The following KCNB2 variants were observed in gnomAD, a reference collection of about 807,000 sequenced individuals.
KCNB2 encodes the protein delayed rectifier potassium channel protein.
A neutral mutation model predicts 61.5 loss-of-function variants in KCNB2; 15 were observed. The observed-to-expected ratio is 0.24, with a 90% confidence interval of 0.16 to 0.38. The LOEUF (loss-of-function observed/expected upper bound fraction) is 0.38, where lower values mean the gene tolerates loss of function less well. KCNB2 is among the 10% of genes least tolerant of loss of function. The pLI, the probability that KCNB2 is intolerant of heterozygous loss-of-function variation, is 1.00. For missense variants in KCNB2, 828 were observed against 1,125.2 expected (o/e 0.74, Z 3.78); for synonymous variants, 457 against 446.0 (o/e 1.02, Z -0.31).
At chr8:72,545,558 A>G (rs1043800513) in intron 1 of KCNB2, among the ~76,000 whole-genome samples, 1 of 152,110 alleles carries the variant, frequency 6.6e-6, no homozygotes, top group Admixed American at 6.6e-5. Context: ...CAACTTCTCC[A>G]CTGACTGGCT....
At chr8:72,761,618 T>C (rs1808383104) in intron 2 of KCNB2, among the ~76,000 whole-genome samples, 1 of 152,180 alleles carries the variant, frequency 6.6e-6, no homozygotes, top group East Asian at 1.9e-4. Flanking sequence ...TAGAATACAA[T>C]ATGTCAATTG....
intron 2 of KCNB2, among the ~76,000 whole-genome samples, chr8:72,620,844 T>C (rs1805704069): frequency 6.6e-6 from 1 of 152,020 alleles, no homozygotes. Flanking sequence ...CTGACCTCAG[T>C]TGATCCACCC....
intron 2 of KCNB2, among the ~76,000 whole-genome samples, chr8:72,646,876 A>C (rs758109774): frequency 4.0e-4 from 61 of 152,194 alleles, no homozygotes; most frequent in Non-Finnish European, 7.8e-4. Flanking sequence ...AAATGAGAAT[A>C]CGTGTTTATG....
At chr8:72,671,945 G>T (rs1806572541) in intron 2 of KCNB2, among the ~76,000 whole-genome samples, 1 of 152,174 alleles carries the variant, frequency 6.6e-6, no homozygotes, top group Non-Finnish European at 1.5e-5. Flanking sequence ...AGACATGTGA[G>T]TTCAGCTAAG....
At chr8:72,557,132 G>A (rs1476953830) in intron 1 of KCNB2, among the ~76,000 whole-genome samples, 1 of 152,094 alleles carries the variant, frequency 6.6e-6, no homozygotes, top group Non-Finnish European at 1.5e-5. Flanking sequence ...TAGGAATTCT[G>A]ATGGGATGCA....
chr8:72,660,081 G>A (rs1163876115), intron 2 of KCNB2, among the ~76,000 whole-genome samples: 2 of 152,126 alleles, frequency 1.3e-5, no homozygotes, highest in African/African-American at 2.4e-5. Context: ...AGCTTCAGTT[G>A]GATCCATTGT....
At chr8:72,630,015 G>A (rs1007282303) in intron 2 of KCNB2, among the ~76,000 whole-genome samples, 1 of 152,128 alleles carries the variant, frequency 6.6e-6, no homozygotes, top group African/African-American at 2.4e-5. Flanking sequence ...TTTGAAGCAT[G>A]GTTGTCTGTT....
intron 2 of KCNB2, among the ~76,000 whole-genome samples, chr8:72,668,430 T>C (rs191021458): frequency 6.9e-4 from 105 of 152,180 alleles, no homozygotes; most frequent in African/African-American, 2.3e-3. Context: ...GTATTCCAAG[T>C]ATTTAGAGGT....
intron 2 of KCNB2, among the ~76,000 whole-genome samples, chr8:72,917,274 G>C (rs984154115): frequency 2.6e-5 from 4 of 152,196 alleles, no homozygotes. Flanking sequence ...GGATCAAAAG[G>C]TTGAATTTAG....
At chr8:72,861,024 C>A (rs891739279) in intron 2 of KCNB2, among the ~76,000 whole-genome samples, 2 of 152,146 alleles carry the variant, frequency 1.3e-5, no homozygotes, top group African/African-American at 4.8e-5. Context: ...ACATTACTAA[C>A]TGAATTATCT....
intron 2 of KCNB2, among the ~76,000 whole-genome samples, chr8:72,811,889 G>T (rs1234271205): frequency 1.3e-5 from 2 of 152,188 alleles, no homozygotes; most frequent in African/African-American, 4.8e-5. Context: ...TGAGATTTAT[G>T]CACCTTCACG....
In KCNB2 at chr8:72,831,447, G is replaced by A. The variant is rs567950223; in HGVS notation, c.580-104488G>A. 2.0e-5 allele frequency among the ~76,000 whole-genome samples: 3 copies of A among 152,286 alleles called. No homozygotes were observed. In the East Asian group the frequency reaches 5.8e-4, roughly 29 times the overall value. On this transcript the variant is annotated intron_variant, in intron 2 of 2. Transcript: ENST00000523207. ...TAAGAAAAGAGAGTGTAAAACTCTA[G>A]AAGGACTGTAGATTGTTTGCAAAGT...
chr8:72,720,357 C>T (rs955253446), intron 2 of KCNB2, among the ~76,000 whole-genome samples: 3 of 152,146 alleles, frequency 2.0e-5, no homozygotes, highest in Non-Finnish European at 4.4e-5. Context: ...GCATCTTAGT[C>T]CTTGCTGTTT....
chr8:72,874,892 A>G lies in KCNB2; in HGVS notation c.580-61043A>G, dbSNP rs1310663308. The G allele has an allele frequency of 2.6e-5, 4 of 152,218 alleles. No individual in the cohort carries two copies. The East Asian group carries it at 7.7e-4, about 29-fold the overall frequency. The allele number at this position is 152,218 out of a possible 1,614,324, so 9.4% of individuals were successfully genotyped here. A position where few individuals can be genotyped will look rare whatever the true frequency, so the allele number is the denominator to read the frequency against. The stretch of plus-strand genomic sequence containing the variant: ...AATAGCATCCTCACCCTCTCTTTCA[A>G]TTACCTAGTCTGCTACAACCTCAAA... On this transcript the variant is annotated intron_variant, in intron 2 of 2. Transcript: ENST00000523207.
At chr8:72,799,196 G>C (rs1345397317) in intron 2 of KCNB2, among the ~76,000 whole-genome samples, 1 of 152,116 alleles carries the variant, frequency 6.6e-6, no homozygotes, top group East Asian at 1.9e-4. Flanking sequence ...ACAATTCAGA[G>C]AGCCAGGTGA....
At chr8:72,712,709 C>T (rs7002134) in intron 2 of KCNB2, among the ~76,000 whole-genome samples, 1,742 of 152,308 alleles carry the variant, frequency 0.011, 29 homozygotes, top group African/African-American at 0.04. Flanking sequence ...ATAGGAACAG[C>T]TCCAGTCTAC....
chr8:72,853,713 A>G (rs1471743992), intron 2 of KCNB2, among the ~76,000 whole-genome samples: 1 of 152,196 alleles, frequency 6.6e-6, no homozygotes, highest in African/African-American at 2.4e-5. Flanking sequence ...ACTAAAACCA[A>G]TGCTAATAAA....
At chr8:72,866,285 G>T (rs916099620) in intron 2 of KCNB2, among the ~76,000 whole-genome samples, 4 of 152,176 alleles carry the variant, frequency 2.6e-5, no homozygotes, top group African/African-American at 9.7e-5. Flanking sequence ...AATACTGAGA[G>T]CATTCTACTG....
At chr8:72,859,805 C>T (rs1267381545) in intron 2 of KCNB2, among the ~76,000 whole-genome samples, 4 of 149,584 alleles carry the variant, frequency 2.7e-5, no homozygotes, top group Middle Eastern at 3.6e-3. Context: ...CCGCAACCTC[C>T]GCCCCCTGGG....
Sources: allele counts gnomAD v4.1 joint callset (sites outside exome capture counted in the v4.1 genomes callset), GRCh38; gene constraint gnomAD v4.1.1; transcripts MANE v1.5; gene names NCBI Gene and HGNC (gene_info 2026-07-23, HGNC 2026-07-21).